The following ENAH variants were observed in gnomAD, a reference collection of about 807,000 sequenced individuals.
ENAH encodes ENAH actin regulator.
A neutral mutation model predicts 78.7 loss-of-function variants in ENAH; 23 were observed. The observed-to-expected ratio is 0.29, with a 90% CI of 0.21 to 0.41. The LOEUF is 0.41. ENAH is among the 10% of genes least tolerant of loss of function. ENAH has a pLI of 1.00. For synonymous variants in ENAH, 226 were observed against 241.0 expected (o/e 0.94, Z 0.58); for missense variants, 544 against 691.0 (o/e 0.79, Z 2.39).
intron 10 of ENAH, 63 bp from the exon 11 acceptor site, chr1:225,508,080 A>C: frequency 9.6e-7 from 1 of 1,045,040 alleles, no homozygotes; most frequent in Non-Finnish European, 1.4e-6. Flanking sequence ...TTATAAAACA[A>C]ATAACAAAAT....
intron 3 of ENAH, among the ~76,000 whole-genome samples, chr1:225,537,200 A>C (rs1277260113): frequency 6.6e-6 from 1 of 152,182 alleles, no homozygotes; most frequent in Non-Finnish European, 1.5e-5. Context: ...CTTCTTTGAC[A>C]GCAAAGATAC....
intron 1 of ENAH, among the ~76,000 whole-genome samples, chr1:225,649,835 C>T (rs1662640305): frequency 6.6e-6 from 1 of 152,118 alleles, no homozygotes; most frequent in Non-Finnish European, 1.5e-5. Context: ...AATAGTTATA[C>T]CGTAATATAT....
intron 1 of ENAH, among the ~76,000 whole-genome samples, chr1:225,592,390 A>C (rs2096881334): frequency 6.6e-6 from 1 of 152,322 alleles, no homozygotes; most frequent in Non-Finnish European, 1.5e-5. Flanking sequence ...CTTCCTATGA[A>C]GTGCATCCCA....
chr1:225,559,613 T>A (rs1479498403), intron 2 of ENAH, among the ~76,000 whole-genome samples: 1 of 152,124 alleles, frequency 6.6e-6, no homozygotes, highest in Admixed American at 6.6e-5. Context: ...CCATTACTTT[T>A]GCACCAACCT....
intron 2 of ENAH, among the ~76,000 whole-genome samples, chr1:225,562,692 C>A (rs1273329950): frequency 6.9e-6 from 1 of 144,458 alleles, no homozygotes; most frequent in Admixed American, 7.1e-5. Flanking sequence ...TATAATTGTA[C>A]ATATTCAATT....
At chr1:225,629,970 G>A (rs1463995518) in intron 1 of ENAH, among the ~76,000 whole-genome samples, 1 of 152,086 alleles carries the variant, frequency 6.6e-6, no homozygotes, top group African/African-American at 2.4e-5. Context: ...AAAATGATTT[G>A]CATTCTCTAT....
intron 1 of ENAH, among the ~76,000 whole-genome samples, chr1:225,585,615 C>T (rs2096842362): frequency 6.6e-6 from 1 of 152,070 alleles, no homozygotes; most frequent in South Asian, 2.1e-4. Context: ...TGGAGAAATC[C>T]TGTCTCTACT....
chr1:225,594,144 C>T (rs559490571), intron 1 of ENAH, among the ~76,000 whole-genome samples: 2 of 150,294 alleles, frequency 1.3e-5, no homozygotes, highest in South Asian at 4.2e-4. Context: ...TTCTCTGGAA[C>T]ACTGCTAGAT....
At chr1:225,643,585 T>A (rs1661456115) in intron 1 of ENAH, among the ~76,000 whole-genome samples, 1 of 152,106 alleles carries the variant, frequency 6.6e-6, no homozygotes, top group South Asian at 2.1e-4. Context: ...AAGTCATCCA[T>A]CCAAAGCAAT....
chr1:225,644,201 C>T (rs1661554099), intron 1 of ENAH, among the ~76,000 whole-genome samples: 1 of 151,500 alleles, frequency 6.6e-6, no homozygotes, highest in Non-Finnish European at 1.5e-5. Flanking sequence ...ACTTTCCATA[C>T]CTTCTAAAAT....
chr1:225,565,958 T>C (rs1310955500), intron 2 of ENAH, among the ~76,000 whole-genome samples: 1 of 152,166 alleles, frequency 6.6e-6, no homozygotes, highest in African/African-American at 2.4e-5. Flanking sequence ...AATGGATAAA[T>C]CTGGTAAATT....
chr1:225,507,924 A>G (rs749159518), intron 11 of ENAH, 27 bp downstream of exon 11: 3 of 1,485,660 alleles, frequency 2.0e-6, no homozygotes, highest in Admixed American at 2.4e-5. Flanking sequence ...CAAATAAAAT[A>G]TAAAACTTAG....
intron 4 of ENAH, among the ~76,000 whole-genome samples, chr1:225,525,339 T>C (rs1315520466): frequency 6.6e-6 from 1 of 152,222 alleles, no homozygotes; most frequent in Non-Finnish European, 1.5e-5. Flanking sequence ...ACATTTACTT[T>C]CTAGAACAAT....
At position 225,511,070 on chromosome 1, in the gene ENAH, G is replaced by C. The variant is rs190395376; in HGVS notation, c.1471+741C>G. ...AAAAAGGGAACTGTAGATGCAGCTG[G>C]TTGTCTTTAAATCAAAACTGTAGGA... On this transcript the variant is annotated intron_variant, in intron 10 of 13. Coordinates refer to ENST00000366843, the MANE Select transcript of ENAH (RefSeq NM_018212.6). 9.2e-4 allele frequency among the ~76,000 whole-genome samples: 140 copies of C among 152,164 alleles called. 4 individuals are homozygous for C. The East Asian group carries it at 0.022, about 24-fold the overall frequency.
At chr1:225,579,250 AAATTACCTCTTCACAT>A (rs2096802644) in intron 1 of ENAH, among the ~76,000 whole-genome samples, 1 of 152,244 alleles carries the variant, frequency 6.6e-6, no homozygotes, top group Non-Finnish European at 1.5e-5. Flanking sequence ...TAGTTCCACA[AAATTACCTCTTCACAT>A]ATTTTCTATT....
chr1:225,504,933 C>T, intron 11 of ENAH: 3 of 1,376,992 alleles, frequency 2.2e-6, no homozygotes, highest in Non-Finnish European at 3.1e-6. Context: ...AAAGCTCAGC[C>T]CTATCCTGAA....
At chr1:225,608,815 C>CAAAAAAAA (rs928281132) in intron 1 of ENAH, among the ~76,000 whole-genome samples, 1 of 20,668 alleles carries the variant, frequency 4.8e-5, no homozygotes, top group Non-Finnish European at 9.5e-5. Context: ...GACTCTGTCT[C>CAAAAAAAA]AAAAAAAAAA....
intron 11 of ENAH, chr1:225,505,012 C>A: frequency 6.2e-7 from 1 of 1,612,746 alleles, no homozygotes; most frequent in Non-Finnish European, 8.5e-7. Flanking sequence ...ATCATAGGAC[C>A]TGTTGTCAAA....
chr1:225,582,419 G>A (rs2096823633), intron 1 of ENAH, among the ~76,000 whole-genome samples: 1 of 152,158 alleles, frequency 6.6e-6, no homozygotes, highest in Non-Finnish European at 1.5e-5. Context: ...ACTCTTTTAA[G>A]AAAGGAATAA....
Sources: allele counts gnomAD v4.1 joint callset (sites outside exome capture counted in the v4.1 genomes callset), GRCh38; gene constraint gnomAD v4.1.1; transcripts MANE v1.5; gene names NCBI Gene and HGNC (gene_info 2026-07-23, HGNC 2026-07-21).